The following MCU variants were observed in gnomAD, a reference collection of about 807,000 sequenced individuals.
MCU encodes the protein calcium uniporter protein, mitochondrial.
MCU carries 12 observed loss-of-function variants against 45.2 expected under a neutral mutation model. The observed-to-expected ratio is 0.27, with a 90% CI of 0.17 to 0.43. MCU has a LOEUF of 0.43. Ranked by LOEUF, MCU falls within the 20% of genes least tolerant of loss-of-function variation. MCU has a pLI of 1.00. For synonymous variants in MCU, 160 were observed against 165.1 expected (o/e 0.97, Z 0.24); for missense variants, 324 against 436.7 (o/e 0.74, Z 2.30).
chr10:72,805,157 T>G (rs374884361), intron 1 of MCU, among the ~76,000 whole-genome samples: 8 of 138,018 alleles, frequency 5.8e-5, no homozygotes, highest in South Asian at 4.4e-4. Context: ...CTTTCTTTCT[T>G]TCTGTCTCTC....
At chr10:72,717,652 A>G (rs1190306742) in intron 1 of MCU, among the ~76,000 whole-genome samples, 3 of 152,222 alleles carry the variant, frequency 2.0e-5, no homozygotes, top group Non-Finnish European at 2.9e-5. Context: ...AGCCTTGTTC[A>G]TAATTTTGAA....
chr10:72,781,201 T>G (rs187459883), intron 1 of MCU, among the ~76,000 whole-genome samples: 1 of 152,214 alleles, frequency 6.6e-6, no homozygotes, highest in South Asian at 2.1e-4. Flanking sequence ...GTGAATTGAA[T>G]TTGTCGGGCA....
intron 4 of MCU, 135 bp from the exon 5 acceptor site, chr10:72,868,566 AAG>A (rs1845493346): frequency 2.8e-6 from 2 of 716,986 alleles, no homozygotes; most frequent in South Asian, 2.2e-5. Flanking sequence ...AAAAAAAAAA[AAG>A]AGAGCTATTA....
chr10:72,831,118 A>C (rs1589484676), intron 1 of MCU, among the ~76,000 whole-genome samples: 1 of 152,344 alleles, frequency 6.6e-6, no homozygotes, highest in South Asian at 2.1e-4. Flanking sequence ...CAAATGTGGA[A>C]ATTAGATTTA....
At chr10:72,732,094 T>C (rs1323163334) in intron 1 of MCU, among the ~76,000 whole-genome samples, 1 of 152,234 alleles carries the variant, frequency 6.6e-6, no homozygotes, top group East Asian at 1.9e-4. Context: ...CCAATTGCCC[T>C]GTATCCTCAT....
At chr10:72,852,575 A>G (rs1011572308) in intron 2 of MCU, among the ~76,000 whole-genome samples, 1 of 152,236 alleles carries the variant, frequency 6.6e-6, no homozygotes, top group African/African-American at 2.4e-5. Flanking sequence ...TAAGAGGAAC[A>G]AATGAGTTGA....
At chr10:72,803,167 G>A (rs1472652555) in intron 1 of MCU, among the ~76,000 whole-genome samples, 1 of 151,964 alleles carries the variant, frequency 6.6e-6, no homozygotes, top group Non-Finnish European at 1.5e-5. Context: ...TATTGTGGAG[G>A]AGAATATAGC....
At chr10:72,774,930 A>G (rs1843867760) in intron 1 of MCU, among the ~76,000 whole-genome samples, 1 of 152,132 alleles carries the variant, frequency 6.6e-6, no homozygotes, top group African/African-American at 2.4e-5. Context: ...AAAGGGAAAT[A>G]CAGACTACAA....
chr10:72,822,658 T>C (rs1037820164), intron 1 of MCU, among the ~76,000 whole-genome samples: 2 of 152,150 alleles, frequency 1.3e-5, no homozygotes, highest in African/African-American at 4.8e-5. Context: ...CCATTTAACA[T>C]CCACTAAGAT....
chr10:72,830,752 A>T (rs1472253085), intron 1 of MCU, among the ~76,000 whole-genome samples: 1 of 152,204 alleles, frequency 6.6e-6, no homozygotes. Flanking sequence ...AACACTAATT[A>T]TATAAAGGAA....
Position 72,726,256 on chromosome 10 carries a change from CGTGTGT to C in MCU, c.150+33980_150+33985del, listed in dbSNP as rs60826955. On this transcript the variant is annotated intron_variant, in intron 1 of 7. Transcript: ENST00000373053. ...CACATACTTCAGGCACACACACACACGTGTGTGTGTGTGTGTGTGTGTGTGTGTGTA... is the reference window on the plus strand; with the variant it reads ...CACATACTTCAGGCACACACACACACGTGTGTGTGTGTGTGTGTGTGTGTA... 8.7e-3 allele frequency among the ~76,000 whole-genome samples: 1,274 copies of C among 145,620 alleles called. 11 individuals are homozygous for C. The highest frequency in any genetic ancestry group is 0.011 in the Non-Finnish European group (745 of 66,184).
Position 72,871,473 on chromosome 10 carries a change from C to T in MCU, c.754C>T (p.Arg252Trp), listed in dbSNP as rs752151223. 5 of 1,614,058 alleles carry T rather than the reference C, an allele frequency of 3.1e-6. No individual in the cohort carries two copies. Among genetic ancestry groups the T allele is most frequent in the Non-Finnish European group, 3.4e-6 (4 of 1,180,036 alleles). ...YMATQFGILARLTWWEYSWDI... is the reference protein window; with the variant it reads ...YMATQFGILAWLTWWEYSWDI... ...GGCCACACAGTTTGGCATTTTGGCCCGGCTTACCTGGTGGGAATATTCCTG... is the reference window on the plus strand; with the variant it reads ...GGCCACACAGTTTGGCATTTTGGCCTGGCTTACCTGGTGGGAATATTCCTG... The change falls in exon 6 of 8, where the codon CGG becomes TGG. Residue 252 changes from arginine (R) to tryptophan (W), a missense_variant. Transcript: ENST00000373053.
intron 1 of MCU, among the ~76,000 whole-genome samples, chr10:72,714,282 A>G (rs912628945): frequency 1.3e-5 from 2 of 148,390 alleles, no homozygotes; most frequent in African/African-American, 5.0e-5. Flanking sequence ...TTCTTGTTTA[A>G]TCTAAAAATA....
chr10:72,753,955 T>C (rs1843538658), intron 1 of MCU, among the ~76,000 whole-genome samples: 1 of 152,156 alleles, frequency 6.6e-6, no homozygotes, highest in South Asian at 2.1e-4. Context: ...CAGCCATATT[T>C]CCCAGATGAG....
At chr10:72,841,959 C>T (rs1589490882) in intron 2 of MCU, among the ~76,000 whole-genome samples, 1 of 152,150 alleles carries the variant, frequency 6.6e-6, no homozygotes, top group Middle Eastern at 3.2e-3. Context: ...GGGGATATTT[C>T]GGGCTTTATG....
intron 1 of MCU, among the ~76,000 whole-genome samples, chr10:72,832,836 A>G (rs1015073245): frequency 1.3e-5 from 2 of 152,158 alleles, no homozygotes; most frequent in Non-Finnish European, 2.9e-5. Flanking sequence ...CAAGAGTTGC[A>G]GTTAAAGTTA....
At position 72,770,004 on chromosome 10, in the gene MCU, A is replaced by T. The variant is rs547300718; in HGVS notation, c.151-64355A>T. ...TTTGTTATATTGTGTCTTCATTTTCATTCATCTCAAAATCGTTTTCTATTT... is the reference window on the plus strand; with the variant it reads ...TTTGTTATATTGTGTCTTCATTTTCTTTCATCTCAAAATCGTTTTCTATTT... On this transcript the variant is annotated intron_variant, in intron 1 of 7. Transcript: ENST00000373053. Among the ~76,000 whole-genome samples the T allele has an allele frequency of 3.9e-5, 6 of 152,204 alleles. No homozygotes were observed. In the South Asian group the frequency reaches 1.2e-3, roughly 32 times the overall value.
chr10:72,722,316 C>CAAAA (rs35164146), intron 1 of MCU, among the ~76,000 whole-genome samples: 1,226 of 20,182 alleles, frequency 0.061, 102 homozygotes, highest in Non-Finnish European at 0.089. Context: ...AACTCCATCT[C>CAAAA]AAAAAAAAAA....
At chr10:72,787,503 A>G (rs1162544315) in intron 1 of MCU, among the ~76,000 whole-genome samples, 1 of 152,062 alleles carries the variant, frequency 6.6e-6, no homozygotes, top group Admixed American at 6.6e-5. Context: ...TCCTGACCTC[A>G]GGTAATCTGC....
Sources: allele counts gnomAD v4.1 joint callset (sites outside exome capture counted in the v4.1 genomes callset), GRCh38; gene constraint gnomAD v4.1.1; transcripts MANE v1.5; gene names NCBI Gene and HGNC (gene_info 2026-07-23, HGNC 2026-07-21).